PKP4: variants seen among roughly 807,000 people sequenced by gnomAD.
PKP4 encodes the protein plakophilin 4.
PKP4 carries 90 observed loss-of-function variants against 145.1 expected under a neutral mutation model. That is an observed-to-expected ratio of 0.62 (90% CI 0.52 to 0.74). The LOEUF (loss-of-function observed/expected upper bound fraction) is 0.74, where lower values mean the gene tolerates loss of function less well. Among genes scored for constraint, PKP4 ranks in the 30% least tolerant of loss-of-function variants. The probability of loss-of-function intolerance (pLI) is 0.00; values close to 1 mark genes in which losing one functional copy is unlikely to be tolerated. For missense variants in PKP4, 1,340 were observed against 1,482.7 expected, an observed-to-expected ratio of 0.90 and a Z score of 1.58; for synonymous variants, 563 against 577.2, an observed-to-expected ratio of 0.98 and a Z score of 0.35.
rs200060095 is a variant in PKP4, at chr2:158,634,085, T to G, written c.1358T>G (p.Leu453Arg). The G allele has an allele frequency of 6.2e-6, 10 of 1,607,670 alleles. No individual in the cohort carries two copies. The African/African-American group carries it at 8.0e-5, about 13-fold the overall frequency. ...GACTTTCTAGTAGGTATTGGAAATC[T>G]ACAAAGGACATCCAGCCAACGAAGT... ...YRTGSVGIGN[L>R]QRTSSQRSTL... Residue 453 changes from leucine to arginine, a missense_variant, in exon 9 of 22, where the codon CTA (leucine) becomes CGA (arginine). Leu to Arg is a moderately radical substitution (Grantham distance 102, BLOSUM62 -2). Coordinates refer to ENST00000389759, the MANE Select transcript of PKP4 (RefSeq NM_003628.6).
At chr2:158,520,264 T>A (rs1559260052) in intron 1 of PKP4, among the ~76,000 whole-genome samples, 1 of 152,226 alleles carries the variant, frequency 6.6e-6, no homozygotes. Context: ...GTGTTATATG[T>A]TAACCGTGTG....
intron 1 of PKP4, among the ~76,000 whole-genome samples, chr2:158,520,315 G>A (rs2042264110): frequency 6.6e-6 from 1 of 152,178 alleles, no homozygotes; most frequent in Non-Finnish European, 1.5e-5. Flanking sequence ...ATACAGGGCT[G>A]AGGGTATTAT....
At chr2:158,556,204 TTGTA>T (rs967917545) in intron 2 of PKP4, among the ~76,000 whole-genome samples, 29 of 152,208 alleles carry the variant, frequency 1.9e-4, no homozygotes, top group African/African-American at 6.8e-4. Flanking sequence ...CTCAGTGTGA[TTGTA>T]TGTGTGAAAA....
intron 9 of PKP4, among the ~76,000 whole-genome samples, chr2:158,635,532 T>A (rs1463562558): frequency 6.6e-6 from 1 of 152,164 alleles, no homozygotes; most frequent in South Asian, 2.1e-4. Context: ...AGACCATCCC[T>A]TGGCTGGACC....
intron 1 of PKP4, among the ~76,000 whole-genome samples, chr2:158,472,372 G>C (rs1318394802): frequency 6.6e-6 from 1 of 152,100 alleles, no homozygotes; most frequent in Non-Finnish European, 1.5e-5. Flanking sequence ...CACTTTGGGA[G>C]GCCGAGGCGG....
intron 1 of PKP4, among the ~76,000 whole-genome samples, chr2:158,502,236 C>G (rs1334614090): frequency 6.6e-6 from 1 of 151,982 alleles, no homozygotes; most frequent in East Asian, 1.9e-4. Context: ...AGGAACTGTT[C>G]TTGATGATGG....
At chr2:158,662,608 CTG>C (rs1315733820) in intron 13 of PKP4, 10 of 242,388 alleles carry the variant, frequency 4.1e-5, no homozygotes, top group African/African-American at 2.2e-4. Context: ...TGGGTGCAGT[CTG>C]CACGGCAGCA....
At position 158,642,472 on chromosome 2, in the gene PKP4, AT is replaced by A; in HGVS notation, c.1696-9del. The stretch of plus-strand genomic sequence containing the variant: ...ATGTTACTTAGGCCTGGTACCTAAT[AT>A]TTTTCATTCTAGGTGTGTAGGTTAG... On this transcript the variant is annotated splice_polypyrimidine_tract_variant and intron_variant, in intron 10 of 21. Coordinates refer to ENST00000389759, the MANE Select transcript of PKP4 (RefSeq NM_003628.6). 6.3e-7 allele frequency: 1 copy of A among 1,578,976 alleles called. No individual in the cohort carries two copies. The highest frequency in any genetic ancestry group is 8.6e-7 in the Non-Finnish European group (1 of 1,157,350).
chr2:158,632,025 G>A (rs2105914351), intron 8 of PKP4, 84 bp downstream of exon 8: 3 of 1,263,978 alleles, frequency 2.4e-6, no homozygotes, highest in Admixed American at 3.8e-5. Context: ...TTCCCTGTTA[G>A]AAGGAAATCA....
chr2:158,461,356 A>C (rs895376888), intron 1 of PKP4, among the ~76,000 whole-genome samples: 1 of 152,192 alleles, frequency 6.6e-6, no homozygotes, highest in Admixed American at 6.5e-5. Flanking sequence ...TGATATACCA[A>C]TAAATGTTGG....
intron 2 of PKP4, among the ~76,000 whole-genome samples, chr2:158,536,054 T>C (rs1267098747): frequency 2.6e-5 from 4 of 152,220 alleles, no homozygotes; most frequent in African/African-American, 9.6e-5. Flanking sequence ...ACGATTGTCA[T>C]CATCATTTCT....
At chr2:158,549,457 C>T (rs2045398876) in intron 2 of PKP4, among the ~76,000 whole-genome samples, 2 of 151,962 alleles carry the variant, frequency 1.3e-5, no homozygotes, top group South Asian at 2.1e-4. Flanking sequence ...CACCTACGCC[C>T]CTGTGAGGGA....
At chr2:158,480,635 G>A (rs367613260) in intron 1 of PKP4, among the ~76,000 whole-genome samples, 21 of 151,270 alleles carry the variant, frequency 1.4e-4, no homozygotes, top group East Asian at 3.9e-4. Context: ...AACCACACCC[G>A]AGATATTTAA....
In PKP4 at chr2:158,457,292, G is replaced by T. The variant is rs567079069; in HGVS notation, c.-6+74G>T. 410 of 151,662 alleles carry T rather than the reference G, an allele frequency of 2.7e-3. 2 individuals are homozygous for T. The highest frequency in any genetic ancestry group is 9.6e-3 in the African/African-American group (398 of 41,370). The allele number at this position is 151,662 out of a possible 1,614,324, so 9.4% of individuals were successfully genotyped here. A position where few individuals can be genotyped will look rare whatever the true frequency, so the allele number is the denominator to read the frequency against. On this transcript the variant is annotated intron_variant, in intron 1 of 21. Transcript: ENST00000389759. ...CCCTCGGCCCTCGCCCCGAACACGC[G>T]CCAGGGCCAGGACCTGCGCGCCGGG...
At chr2:158,591,514 T>C (rs2049275199) in intron 3 of PKP4, among the ~76,000 whole-genome samples, 1 of 152,074 alleles carries the variant, frequency 6.6e-6, no homozygotes, top group Admixed American at 6.6e-5. Context: ...AGCTGGGTAA[T>C]AAATACAAAG....
chr2:158,539,839 A>G (rs1282331241), intron 2 of PKP4, among the ~76,000 whole-genome samples: 1 of 152,210 alleles, frequency 6.6e-6, no homozygotes, highest in East Asian at 1.9e-4. Context: ...GAACTCTAAA[A>G]TGGCTCTCAG....
At chr2:158,604,334 T>A (rs10191939) in intron 4 of PKP4, among the ~76,000 whole-genome samples, 78,490 of 151,892 alleles carry the variant, frequency 0.52, 20,568 homozygotes, top group South Asian at 0.69. Flanking sequence ...GAAGGCTGAA[T>A]TGGCTGAAAT....
chr2:158,639,098 T>C (rs1368592629), intron 9 of PKP4, among the ~76,000 whole-genome samples: 2 of 152,216 alleles, frequency 1.3e-5, no homozygotes, highest in Non-Finnish European at 2.9e-5. Flanking sequence ...TAATAGTGCT[T>C]ACCTCATGAG....
At chr2:158,500,840 C>T (rs1198810712) in intron 1 of PKP4, among the ~76,000 whole-genome samples, 2 of 152,180 alleles carry the variant, frequency 1.3e-5, no homozygotes, top group Non-Finnish European at 2.9e-5. Flanking sequence ...TAGAAGCTAT[C>T]TCGTCTCTTA....
Sources: allele counts gnomAD v4.1 joint callset (sites outside exome capture counted in the v4.1 genomes callset), GRCh38; gene constraint gnomAD v4.1.1; transcripts MANE v1.5; gene names NCBI Gene and HGNC (gene_info 2026-07-23, HGNC 2026-07-21).